MYO16: variants seen among roughly 807,000 people sequenced by gnomAD.
MYO16 encodes unconventional myosin-XVI.
A neutral mutation model predicts 205.3 loss-of-function variants in MYO16; 94 were observed. The ratio of observed to expected loss-of-function variants is 0.46; its 90% CI spans 0.39 to 0.54. The LOEUF is 0.54. Ranked by LOEUF, MYO16 falls within the 20% of genes least tolerant of loss-of-function variation. The pLI, the probability that MYO16 is intolerant of heterozygous loss-of-function variation, is 0.00. For synonymous variants in MYO16, 988 were observed against 954.0 expected (o/e 1.04, Z -0.66); for missense variants, 2,315 against 2,387.5 (o/e 0.97, Z 0.63).
rs536531048 is a variant in MYO16, at chr13:109,055,947, A to G, written c.3335+352A>G. Reference sequence around the variant, plus strand: ...TGTAAGTGATTATTTCCCCTTTTATATATGAACAAAATATTATTTAGATCA... The same window carrying G: ...TGTAAGTGATTATTTCCCCTTTTATGTATGAACAAAATATTATTTAGATCA... On this transcript the variant is annotated intron_variant, in intron 27 of 34. Transcript: ENST00000457511. The surrounding 1 kb of genome is among the most constrained non-coding windows in gnomAD (Gnocchi z 5.0). 12 of 170,998 alleles carry G rather than the reference A, an allele frequency of 7.0e-5. No homozygotes were observed. In the East Asian group the frequency reaches 9.3e-4, roughly 13 times the overall value. 10.6% of individuals were successfully genotyped at this position (170,998 alleles called of 1,614,324 possible).
chr13:108,995,521 G>A (rs753928981), intron 21 of MYO16, among the ~76,000 whole-genome samples: 5 of 152,056 alleles, frequency 3.3e-5, no homozygotes, highest in Non-Finnish European at 7.3e-5. Flanking sequence ...CATGTGCCAT[G>A]TTGGTGTGCT....
chr13:109,185,748 A>G (rs1174996070), intron 34 of MYO16, among the ~76,000 whole-genome samples: 1 of 152,198 alleles, frequency 6.6e-6, no homozygotes, highest in Non-Finnish European at 1.5e-5. Flanking sequence ...TGCCTACCAC[A>G]CCAGAAGTGA....
intron 1 of MYO16, among the ~76,000 whole-genome samples, chr13:108,623,379 G>C (rs1879612688): frequency 6.6e-6 from 1 of 152,126 alleles, no homozygotes; most frequent in Non-Finnish European, 1.5e-5. Context: ...AACCTCTCTA[G>C]TGACTATATT....
chr13:108,688,935 C>A (rs1049301410), intron 2 of MYO16, among the ~76,000 whole-genome samples: 1 of 152,126 alleles, frequency 6.6e-6, no homozygotes, highest in Non-Finnish European at 1.5e-5. Flanking sequence ...AGTACTGGCT[C>A]ATGAGCTTGT....
intron 34 of MYO16, among the ~76,000 whole-genome samples, chr13:109,201,897 A>G (rs2139972848): frequency 6.6e-6 from 1 of 152,186 alleles, no homozygotes; most frequent in South Asian, 2.1e-4. Flanking sequence ...ATAGTCTCCA[A>G]TCCCATCCAG....
intron 23 of MYO16, among the ~76,000 whole-genome samples, chr13:109,021,941 C>T (rs1342131405): frequency 6.6e-6 from 1 of 151,314 alleles, no homozygotes; most frequent in African/African-American, 2.4e-5. Flanking sequence ...GGAAATGTAC[C>T]TGGGTGATAT....
intron 15 of MYO16, among the ~76,000 whole-genome samples, chr13:108,905,757 C>A (rs143715742): frequency 8.3e-6 from 1 of 120,626 alleles, no homozygotes; most frequent in Non-Finnish European, 1.9e-5. Context: ...CTTACACTTT[C>A]CTCAGGAGCT....
chr13:108,988,679 G>T (rs1291254764), intron 20 of MYO16, among the ~76,000 whole-genome samples: 1 of 152,156 alleles, frequency 6.6e-6, no homozygotes, highest in Non-Finnish European at 1.5e-5. Flanking sequence ...GAGGGAGGTA[G>T]GTATGAAGTG....
chr13:109,080,003 G>T (rs1888234370), intron 27 of MYO16, among the ~76,000 whole-genome samples: 1 of 151,306 alleles, frequency 6.6e-6, no homozygotes, highest in Non-Finnish European at 1.5e-5. Flanking sequence ...AGCCTCCTGA[G>T]TAGCTAGGAT....
In MYO16 at chr13:109,206,946, C is replaced by CA. The variant is rs376108429; in HGVS notation, c.*117dup. ...TGGGGCTTCTCTCCACGCATTTAGA[C>CA]AAAAAAAGCACAGGACACAGACACT... is the stretch of plus-strand genomic sequence containing the variant. On this transcript the variant is annotated 3_prime_UTR_variant, in exon 35 of 35. Coordinates refer to ENST00000457511, the MANE Select transcript of MYO16 (RefSeq NM_001198950.3). 6.9e-6 allele frequency: 6 copies of CA among 868,056 alleles called. No homozygotes were observed. Among genetic ancestry groups the CA allele is most frequent in the South Asian group, 1.7e-5 (1 of 57,978 alleles). 53.8% of individuals were successfully genotyped at this position (868,056 alleles called of 1,614,324 possible). A position where few individuals can be genotyped will look rare whatever the true frequency, so the allele number is the denominator to read the frequency against.
At chr13:109,193,067 T>G (rs1822425578) in intron 34 of MYO16, among the ~76,000 whole-genome samples, 1 of 152,104 alleles carries the variant, frequency 6.6e-6, no homozygotes, top group South Asian at 2.1e-4. Context: ...AAAATAATGA[T>G]CAGTTGGTGC....
intron 27 of MYO16, among the ~76,000 whole-genome samples, chr13:109,062,857 T>G (rs894203233): frequency 1.1e-4 from 17 of 152,174 alleles, no homozygotes; most frequent in Non-Finnish European, 2.4e-4. Context: ...GTTGTTTGTT[T>G]GGTTACCAAA....
At chr13:108,917,870 A>T (rs1486616070) in intron 16 of MYO16, among the ~76,000 whole-genome samples, 1 of 152,250 alleles carries the variant, frequency 6.6e-6, no homozygotes, top group African/African-American at 2.4e-5. Context: ...TTCTGAAGCT[A>T]ATAACAGCTG....
intron 4 of MYO16, among the ~76,000 whole-genome samples, chr13:108,766,541 G>C (rs1594277392): frequency 6.6e-6 from 1 of 152,124 alleles, no homozygotes; most frequent in Non-Finnish European, 1.5e-5. Context: ...AGCAAGGGGG[G>C]TTGCTTTTGG....
rs1446189797 is a variant in MYO16, at chr13:108,991,423, CA to C, written c.2370-952del. Among the ~76,000 whole-genome samples, 27 of 152,286 alleles carry C rather than the reference CA, an allele frequency of 1.8e-4. No individual in the cohort carries two copies. The East Asian group carries it at 4.4e-3, about 25-fold the overall frequency. On this transcript the variant is annotated intron_variant, in intron 20 of 34. Transcript: ENST00000457511. ...TATCCTTCAAAAGTTCTGCTTTTTTCATTCTTCTTTTAAAAGAATTACTTCT... is the reference window on the plus strand; with the variant it reads ...TATCCTTCAAAAGTTCTGCTTTTTTCTTCTTCTTTTAAAAGAATTACTTCT...
chr13:108,567,467 C>T, the MYO16 span, among the ~76,000 whole-genome samples: 1 of 152,046 alleles, frequency 6.6e-6, no homozygotes, highest in African/African-American at 2.4e-5. Flanking sequence ...GGCCAACAGA[C>T]AGTTGAAAAC....
At chr13:108,858,866 C>A (rs1351657127) in intron 11 of MYO16, among the ~76,000 whole-genome samples, 3 of 152,156 alleles carry the variant, frequency 2.0e-5, no homozygotes, top group Non-Finnish European at 2.9e-5. Flanking sequence ...GATGCTGGCA[C>A]CCTACCCTGG....
chr13:109,169,487 A>G (rs1181873399), intron 33 of MYO16, among the ~76,000 whole-genome samples: 5 of 152,198 alleles, frequency 3.3e-5, no homozygotes, highest in Non-Finnish European at 5.9e-5. Flanking sequence ...AGAAATAGAG[A>G]AAATTGGCAC....
chr13:108,689,612 A>T (rs1424103416), intron 2 of MYO16, among the ~76,000 whole-genome samples: 2 of 152,182 alleles, frequency 1.3e-5, no homozygotes, highest in Non-Finnish European at 2.9e-5. Flanking sequence ...AGCTATGCTG[A>T]ACTCAGACAA....
Sources: gnomAD v4.1 joint callset for allele counts (sites outside exome capture counted in the v4.1 genomes callset) on GRCh38, gnomAD v4.1.1 for gene constraint, Gnocchi (gnomAD v3.1) non-coding constraint, MANE v1.5 for transcripts, NCBI Gene and HGNC (gene_info 2026-07-23, HGNC 2026-07-21) for gene names.